BAHCC1: variants seen among roughly 807,000 people sequenced by gnomAD.
BAHCC1 encodes the protein BAH domain and coiled-coil containing 1, also known as BAH and coiled-coil domain-containing protein 1.
A neutral mutation model predicts 88.2 loss-of-function variants in BAHCC1; 43 were observed. The ratio of observed to expected loss-of-function variants is 0.49; its 90% confidence interval spans 0.38 to 0.63. The LOEUF (loss-of-function observed/expected upper bound fraction) is 0.63, where lower values mean the gene tolerates loss of function less well. BAHCC1 is among the 20% of genes least tolerant of loss of function. The pLI is 0.00. For synonymous variants in BAHCC1, 1,510 were observed against 745.5 expected (o/e 2.03, Z -16.71); for missense variants, 3,023 against 1,654.8 (o/e 1.83, Z -14.34).
chr17:81,444,768 C>T lies in BAHCC1; in HGVS notation c.2613C>T (p.Pro871=). 1 of 778,752 alleles carries T rather than the reference C, an allele frequency of 1.3e-6. No homozygotes were observed. Among genetic ancestry groups the T allele is most frequent in the Middle Eastern group, 2.3e-4 (1 of 4,406 alleles). 48.2% of individuals were successfully genotyped at this position (778,752 alleles called of 1,614,324 possible). A position where few individuals can be genotyped will look rare whatever the true frequency, so the allele number is the denominator to read the frequency against. Residue 871 remains proline (P), a synonymous_variant, in exon 8 of 28, where the codon CCC becomes CCT. Transcript: ENST00000675386. ...TCTTCCCCCTCCCACAGGACGCCCC[C>T]ACACAGCTGGTCATCCTGCCCTCAG... ...PSVFPLPQDA[P]TQLVILPSEP...
rs1555659273 is a variant in BAHCC1 at position 81,461,326 on chromosome 17, G to T, written c.6663G>T (p.Lys2221Asn). 1.4e-6 allele frequency: 1 copy of T among 731,374 alleles called. No individual in the cohort carries two copies. The allele number at this position is 731,374 out of a possible 1,614,324, so 45.3% of individuals were successfully genotyped here. A position where few individuals can be genotyped will look rare whatever the true frequency, so the allele number is the denominator to read the frequency against. ...DHEGVTSPKN[K>N]TCKALLMGDK... ...AGGGTGTGACCTCCCCCAAGAACAA[G>T]ACCTGCAAGGCGTTGCTCATGGGGG... is the stretch of plus-strand genomic sequence containing the variant. Residue 2221 changes from lysine to asparagine, a missense_variant, in exon 26 of 28, where the codon AAG (lysine) becomes AAT (asparagine). By Grantham distance (94) the Lys-to-Asn change is moderately conservative. Coordinates refer to ENST00000675386, the MANE Select transcript of BAHCC1 (RefSeq NM_001377448.1).
chr17:81,462,150 G>C (rs890244612), intron 26 of BAHCC1, 104 bp downstream of exon 26: 8 of 606,820 alleles, frequency 1.3e-5, no homozygotes, highest in African/African-American at 7.4e-5. Flanking sequence ...CTTCCTACTT[G>C]ATTTCAAGTT....
At position 81,464,901 on chromosome 17, in the gene BAHCC1, C is replaced by T. The variant is rs1055974543; in HGVS notation, c.*1084C>T. The T allele has an allele frequency of 3.3e-5, 5 of 152,258 alleles. No individual in the cohort carries two copies. Among genetic ancestry groups the T allele is most frequent in the African/African-American group, 1.2e-4 (5 of 41,436 alleles). 9.4% of individuals were successfully genotyped at this position (152,258 alleles called of 1,614,324 possible). ...TCCTCACCCCTGGGGTCCTAACTTTCCTGAAAGTAGTAGGTGCCGTGAGAA... is the reference window on the plus strand; with the variant it reads ...TCCTCACCCCTGGGGTCCTAACTTTTCTGAAAGTAGTAGGTGCCGTGAGAA... On this transcript the variant is annotated 3_prime_UTR_variant, in exon 28 of 28. Transcript: ENST00000675386.
At position 81,410,062 on chromosome 17, in the gene BAHCC1, T is replaced by C. The variant is rs575350895; in HGVS notation, c.178+10145T>C. The C allele has an allele frequency of 3.1e-4, 113 of 362,884 alleles. 1 individual carries two copies. Among genetic ancestry groups the C allele is most frequent in the South Asian group, 2.0e-3 (108 of 52,734 alleles). The allele number at this position is 362,884 out of a possible 1,614,324, so 22.5% of individuals were successfully genotyped here. ...GAGTCTAGGCCTCCTACCTCTAAAA[T>C]GGGCAGTTGCCCTGCCCTGCTGGAG... On this transcript the variant is annotated intron_variant, in intron 2 of 27. Coordinates refer to ENST00000675386, the MANE Select transcript of BAHCC1 (RefSeq NM_001377448.1).
intron 2 of BAHCC1, among the ~76,000 whole-genome samples, chr17:81,423,398 A>G (rs1168562298): frequency 2.6e-5 from 4 of 152,066 alleles, no homozygotes; most frequent in Non-Finnish European, 5.9e-5. Context: ...ATGTCTGGGA[A>G]GTTCCCAGGG....
chr17:81,415,926 C>G (rs2064014857), intron 2 of BAHCC1, among the ~76,000 whole-genome samples: 1 of 151,674 alleles, frequency 6.6e-6, no homozygotes. Context: ...CCAGGGAGAC[C>G]ATGGGCCTCA....
chr17:81,411,567 CCTTCCTT>C lies in BAHCC1; in HGVS notation c.178+11651_178+11657del. The stretch of plus-strand genomic sequence containing the variant: ...TCCTTCCTTCCTTCCTTCCTTCCTT[CCTTCCTT>C]GAGAGGCCTCTCTACCCAGCACCCA... On this transcript the variant is annotated intron_variant, in intron 2 of 27. Transcript: ENST00000675386. This position sits in a 1 kb window ranked among gnomAD's most constrained non-coding sequence, Gnocchi z 6.2. 2.4e-6 allele frequency: 1 copy of C among 415,558 alleles called. No homozygotes were observed. Among genetic ancestry groups the C allele is most frequent in the African/African-American group, 2.4e-5 (1 of 41,202 alleles). The allele number at this position is 415,558 out of a possible 1,614,324, so 25.7% of individuals were successfully genotyped here.
intron 2 of BAHCC1, among the ~76,000 whole-genome samples, chr17:81,405,977 ACTC>A (rs782691523): frequency 1.3e-5 from 2 of 151,970 alleles, no homozygotes; most frequent in East Asian, 1.9e-4. Flanking sequence ...CGATACAGGG[ACTC>A]CTCCTGGGTA....
intron 2 of BAHCC1, among the ~76,000 whole-genome samples, chr17:81,421,442 A>T (rs2064114726): frequency 6.6e-6 from 1 of 152,204 alleles, no homozygotes; most frequent in Admixed American, 6.5e-5. Context: ...TAGAGGCGTG[A>T]TGCTCTGTCC....
Position 81,458,741 on chromosome 17 carries a change from T to TGTGGGCTGCTAC in BAHCC1, c.5448+16_5448+17insGTGGGCTGCTAC. ...CGGCAAGCAGGTAGCAGCCCCCCAC[T>TGTGGGCTGCTAC]CTGGGAGCCCACTGTGCACCCACCT... On this transcript the variant is annotated intron_variant, in intron 19 of 27. Transcript: ENST00000675386. The TGTGGGCTGCTAC allele has an allele frequency of 1.4e-6, 1 of 740,234 alleles. No individual in the cohort carries two copies. Among genetic ancestry groups the TGTGGGCTGCTAC allele is most frequent in the Non-Finnish European group, 2.5e-6 (1 of 398,248 alleles). The allele number at this position is 740,234 out of a possible 1,614,324, so 45.9% of individuals were successfully genotyped here.
intron 2 of BAHCC1, among the ~76,000 whole-genome samples, chr17:81,410,305 G>A (rs1037236760): frequency 1.3e-5 from 2 of 152,170 alleles, no homozygotes; most frequent in South Asian, 2.1e-4. Context: ...AGCAGGCAGC[G>A]AGACTCCTGA....
rs782538299 is a variant in BAHCC1 at position 81,456,458 on chromosome 17, G to A, written c.4731G>A (p.Glu1577=). Reference sequence around the variant, plus strand: ...CTACCCCCGGGGGGCGCATCCGGGAGAAGCTGTCCCGAGCCAAGAGTGCCA... The same window carrying A: ...CTACCCCCGGGGGGCGCATCCGGGAAAAGCTGTCCCGAGCCAAGAGTGCCA... ...KEATPGGRIR[E]KLSRAKSAKV... Residue 1577 remains glutamate (E), a synonymous_variant, in exon 16 of 28, where the codon GAG becomes GAA. Transcript: ENST00000675386. The A allele has an allele frequency of 9.7e-6, 7 of 722,248 alleles. No homozygotes were observed. In the Admixed American group the frequency reaches 1.2e-4, roughly 12 times the overall value. 44.7% of individuals were successfully genotyped at this position (722,248 alleles called of 1,614,324 possible). A position where few individuals can be genotyped will look rare whatever the true frequency, so the allele number is the denominator to read the frequency against.
At chr17:81,458,781 C>G (rs781942918) in intron 19 of BAHCC1, 32 bp from the exon 20 acceptor site, 1 of 759,908 alleles carries the variant, frequency 1.3e-6, no homozygotes, top group Non-Finnish European at 2.5e-6. Flanking sequence ...CCCGCCTGCA[C>G]CCCACCCAAG....
In BAHCC1 at chr17:81,411,117, G is replaced by A. The variant is rs375555716; in HGVS notation, c.178+11200G>A. The A allele has an allele frequency of 7.5e-4, 392 of 519,370 alleles. 1 individual carries two copies. Among genetic ancestry groups the A allele is most frequent in the African/African-American group, 6.6e-3 (345 of 52,032 alleles). 32.2% of individuals were successfully genotyped at this position (519,370 alleles called of 1,614,324 possible). On this transcript the variant is annotated intron_variant, in intron 2 of 27. Coordinates refer to ENST00000675386, the MANE Select transcript of BAHCC1 (RefSeq NM_001377448.1). The surrounding 1 kb of genome is among the most constrained non-coding windows in gnomAD (Gnocchi z 6.2). ...CTCCCTTGTTCTCAGTCCCGCAGCCGTCCTCTGCGTGAGTCCATTCATCAC... is the reference window on the plus strand; with the variant it reads ...CTCCCTTGTTCTCAGTCCCGCAGCCATCCTCTGCGTGAGTCCATTCATCAC...
rs1555658430 is a variant in BAHCC1, at chr17:81,459,141, G to A, written c.5693G>A (p.Ser1898Asn). The change falls in exon 21 of 28, where the codon AGC (serine) becomes AAC (asparagine). Residue 1898 changes from serine to asparagine, a missense_variant. Physicochemically the swap from Ser to Asn is conservative, Grantham distance 46. Coordinates refer to ENST00000675386, the MANE Select transcript of BAHCC1 (RefSeq NM_001377448.1). ...PKEDSLLYAGSVRTLQPPDIY... is the reference protein window; with the variant it reads ...PKEDSLLYAGNVRTLQPPDIY... ...GAGGATAGCCTGCTGTACGCGGGCA[G>A]CGTCAGGACCCTGCAGCCACCCGAC... 1 of 770,146 alleles carries A rather than the reference G, an allele frequency of 1.3e-6. No homozygotes were observed. Among genetic ancestry groups the A allele is most frequent in the Admixed American group, 1.7e-5 (1 of 57,976 alleles). 47.7% of individuals were successfully genotyped at this position (770,146 alleles called of 1,614,324 possible).
At position 81,460,939 on chromosome 17, in the gene BAHCC1, C is replaced by T; in HGVS notation, c.6276C>T (p.Gly2092=). 2 of 770,560 alleles carry T rather than the reference C, an allele frequency of 2.6e-6. No homozygotes were observed. Among genetic ancestry groups the T allele is most frequent in the Non-Finnish European group, 4.8e-6 (2 of 417,872 alleles). 47.7% of individuals were successfully genotyped at this position (770,560 alleles called of 1,614,324 possible). A position where few individuals can be genotyped will look rare whatever the true frequency, so the allele number is the denominator to read the frequency against. ...GASDHFLGRR[G]SPLLSWSAVA... ...CCGACCACTTCCTGGGCCGCCGTGGCAGCCCCTTGCTGAGCTGGTCCGCGG... is the reference window on the plus strand; with the variant it reads ...CCGACCACTTCCTGGGCCGCCGTGGTAGCCCCTTGCTGAGCTGGTCCGCGG... Residue 2092 remains glycine, a synonymous_variant, in exon 26 of 28, where the codon GGC becomes GGT. Transcript: ENST00000675386.
At position 81,461,064 on chromosome 17, in the gene BAHCC1, C is replaced by A; in HGVS notation, c.6401C>A (p.Ala2134Asp). The A allele has an allele frequency of 1.3e-6, 1 of 770,296 alleles. No individual in the cohort carries two copies. The highest frequency in any genetic ancestry group is 2.4e-6 in the Non-Finnish European group (1 of 416,778). The allele number at this position is 770,296 out of a possible 1,614,324, so 47.7% of individuals were successfully genotyped here. Residue 2134 changes from alanine to aspartate, a missense_variant, in exon 26 of 28, where the codon GCC becomes GAC. Ala to Asp is a moderately radical substitution (Grantham distance 126). Transcript: ENST00000675386. ...AACGGCAGCAGCAAGAAGCTGCGGG[C>A]CCGCGAGGCCCTGTTCCCCGTGCAC... is the stretch of plus-strand genomic sequence containing the variant. The part of the protein sequence containing the change: ...QLNGSSKKLR[A>D]REALFPVHSV...
At chr17:81,418,380 A>G (rs782613099) in intron 2 of BAHCC1, among the ~76,000 whole-genome samples, 1 of 152,164 alleles carries the variant, frequency 6.6e-6, no homozygotes, top group Non-Finnish European at 1.5e-5. Flanking sequence ...CCCAAGGGCC[A>G]CTTTAGGGTC....
At chr17:81,410,816 G>T (rs782811407) in intron 2 of BAHCC1, among the ~76,000 whole-genome samples, 8 of 151,958 alleles carry the variant, frequency 5.3e-5, no homozygotes, top group African/African-American at 1.9e-4. Context: ...AGATGTCCCC[G>T]TATCCCCCCA....
Sources: allele counts gnomAD v4.1 joint callset (sites outside exome capture counted in the v4.1 genomes callset), GRCh38; gene constraint gnomAD v4.1.1; non-coding constraint Gnocchi (gnomAD v3.1); transcripts MANE v1.5; gene names NCBI Gene and HGNC (gene_info 2026-07-23, HGNC 2026-07-21).